The following TAFA2 variants were observed in gnomAD, a reference collection of about 807,000 sequenced individuals.
TAFA2 encodes TAFA chemokine like family member 2.
Under a neutral mutation model 18.8 loss-of-function variants are expected in TAFA2, and 7 were observed. The observed-to-expected ratio is 0.37, with a 90% confidence interval of 0.21 to 0.70. The LOEUF (loss-of-function observed/expected upper bound fraction) is 0.70. Ranked by LOEUF, TAFA2 falls within the 30% of genes least tolerant of loss-of-function variation. The pLI, the probability that TAFA2 is intolerant of heterozygous loss-of-function variation, is 0.53. For missense variants in TAFA2, 122 were observed against 158.1 expected, an observed-to-expected ratio of 0.77 and a Z score of 1.23; for synonymous variants, 60 against 54.2, an observed-to-expected ratio of 1.11 and a Z score of -0.47.
At chr12:62,029,238 T>A (rs1203768705) in intron 1 of TAFA2, among the ~76,000 whole-genome samples, 1 of 152,142 alleles carries the variant, frequency 6.6e-6, no homozygotes, top group Non-Finnish European at 1.5e-5. Flanking sequence ...AAGCTCCCAG[T>A]GGAAGCAGGG....
chr12:62,011,265 G>T (rs553652779), intron 1 of TAFA2, among the ~76,000 whole-genome samples: 1 of 152,156 alleles, frequency 6.6e-6, no homozygotes, highest in African/African-American at 2.4e-5. Context: ...AGTGACCATC[G>T]AGAGCGGGCC....
rs575270636 is a variant in TAFA2, at chr12:61,724,553, C to T, written c.385-14136G>A. On this transcript the variant is annotated intron_variant, in intron 4 of 4. Coordinates refer to ENST00000416284, the MANE Select transcript of TAFA2 (RefSeq NM_178539.5). ...CTCACCCCTCACCATCCCTTCTCCC[C>T]GAGTCCCCAAAGTTTATTGTATCAT... 4.6e-5 allele frequency among the ~76,000 whole-genome samples: 7 copies of T among 152,080 alleles called. No homozygotes were observed. The South Asian group carries it at 6.2e-4, about 14-fold the overall frequency.
chr12:61,777,335 T>A (rs1290826553), intron 2 of TAFA2, among the ~76,000 whole-genome samples: 1 of 151,836 alleles, frequency 6.6e-6, no homozygotes, highest in African/African-American at 2.4e-5. Flanking sequence ...ATCGGGAGGA[T>A]TAAACAAGAT....
At chr12:61,876,803 C>T (rs1190117820) in intron 1 of TAFA2, among the ~76,000 whole-genome samples, 6 of 152,002 alleles carry the variant, frequency 3.9e-5, no homozygotes, top group Non-Finnish European at 7.4e-5. Context: ...ACTGTTTAAT[C>T]AACTTCACTT....
intron 1 of TAFA2, among the ~76,000 whole-genome samples, chr12:61,897,054 T>C (rs949911007): frequency 6.6e-6 from 1 of 152,190 alleles, no homozygotes; most frequent in Non-Finnish European, 1.5e-5. Context: ...CATAGGTATA[T>C]TTAGAAAGCA....
In TAFA2 at chr12:62,178,028, G is replaced by A. The variant is rs1487070362; in HGVS notation, c.-2+13231C>T. Reference sequence around the variant, plus strand: ...CCTCAAAGAGACCACAGTTAGGCACGGCAGCTCACACCTGTAATCACAGCA... The same window carrying A: ...CCTCAAAGAGACCACAGTTAGGCACAGCAGCTCACACCTGTAATCACAGCA... On this transcript the variant is annotated intron_variant, in intron 1 of 4. Transcript: ENST00000416284. Among the ~76,000 whole-genome samples, 4 of 152,102 alleles carry A rather than the reference G, an allele frequency of 2.6e-5. No homozygotes were observed. In the East Asian group the frequency reaches 5.8e-4, roughly 22 times the overall value.
intron 4 of TAFA2, among the ~76,000 whole-genome samples, chr12:61,741,417 G>T (rs1481092161): frequency 1.3e-5 from 2 of 151,710 alleles, no homozygotes; most frequent in Non-Finnish European, 2.9e-5. Context: ...ATTGAATTTT[G>T]TTCTATTATG....
chr12:61,734,553 A>G (rs1868273039), intron 4 of TAFA2, among the ~76,000 whole-genome samples: 1 of 152,076 alleles, frequency 6.6e-6, no homozygotes, highest in Non-Finnish European at 1.5e-5. Context: ...TATTTGAAGC[A>G]CAGAGAAAGG....
chr12:61,905,175 ACTC>A (rs1876290499), intron 1 of TAFA2, among the ~76,000 whole-genome samples: 1 of 147,638 alleles, frequency 6.8e-6, no homozygotes. Context: ...AGTACATTAT[ACTC>A]CTATGGTGTA....
At chr12:61,914,380 C>T (rs1055615319) in intron 1 of TAFA2, among the ~76,000 whole-genome samples, 1 of 152,196 alleles carries the variant, frequency 6.6e-6, no homozygotes, top group African/African-American at 2.4e-5. Context: ...CACCACACTG[C>T]TCCCACTGTG....
At chr12:62,022,241 C>T in intron 1 of TAFA2, 1 of 247,808 alleles carries the variant, frequency 4.0e-6, no homozygotes, top group South Asian at 5.9e-5. Flanking sequence ...CCTTACATGT[C>T]CTGCTAAAGA....
chr12:62,117,928 T>G (rs1007077650), intron 1 of TAFA2, among the ~76,000 whole-genome samples: 3 of 152,152 alleles, frequency 2.0e-5, no homozygotes, highest in African/African-American at 7.2e-5. Context: ...TAATAATCCG[T>G]GGCTTATAAC....
At chr12:62,222,578 G>T (rs993064781) in intron 1 of TAFA2, among the ~76,000 whole-genome samples, 1 of 151,844 alleles carries the variant, frequency 6.6e-6, no homozygotes, top group Non-Finnish European at 1.5e-5. Context: ...TGCGATCTCG[G>T]CTCAGTGCAA....
intron 2 of TAFA2, among the ~76,000 whole-genome samples, chr12:61,779,757 C>T (rs1246436920): frequency 1.1e-4 from 17 of 151,694 alleles, no homozygotes; most frequent in African/African-American, 2.4e-5. Flanking sequence ...TGAAAAGCTG[C>T]GATAGTATAT....
At chr12:62,026,263 A>G (rs1565720763) in intron 1 of TAFA2, among the ~76,000 whole-genome samples, 2 of 152,104 alleles carry the variant, frequency 1.3e-5, no homozygotes. Context: ...TGTTTCAGAG[A>G]TTTACCTGAA....
At chr12:61,781,636 A>C (rs1278403508) in intron 2 of TAFA2, among the ~76,000 whole-genome samples, 1 of 151,588 alleles carries the variant, frequency 6.6e-6, no homozygotes. Context: ...GCAAAGCAAA[A>C]GACTAACAAT....
chr12:61,721,095 T>A (rs1235962388), intron 4 of TAFA2, among the ~76,000 whole-genome samples: 2 of 152,116 alleles, frequency 1.3e-5, no homozygotes, highest in Non-Finnish European at 2.9e-5. Context: ...CTTAGAAGAT[T>A]ATATAATCTT....
At chr12:62,010,149 C>T (rs1380310354) in intron 1 of TAFA2, among the ~76,000 whole-genome samples, 2 of 149,060 alleles carry the variant, frequency 1.3e-5, no homozygotes, top group Admixed American at 6.7e-5. Flanking sequence ...CTCTCCCTCT[C>T]CCTCTCCCCC....
intron 2 of TAFA2, among the ~76,000 whole-genome samples, chr12:61,778,207 A>G (rs1185706858): frequency 6.6e-6 from 1 of 151,784 alleles, no homozygotes; most frequent in African/African-American, 2.4e-5. Context: ...GCAAGGGCTC[A>G]CCCTAAGGAT....
Sources: gnomAD v4.1 joint callset for allele counts (sites outside exome capture counted in the v4.1 genomes callset) on GRCh38, gnomAD v4.1.1 for gene constraint, MANE v1.5 for transcripts, NCBI Gene and HGNC (gene_info 2026-07-23, HGNC 2026-07-21) for gene names.